TNFRSF19: variants seen among roughly 807,000 people sequenced by gnomAD.
TNFRSF19 encodes the protein TNF receptor superfamily member 19.
A neutral mutation model predicts 46.4 loss-of-function variants in TNFRSF19; 27 were observed. That is an observed-to-expected ratio of 0.58 (90% CI 0.43 to 0.80). The LOEUF (loss-of-function observed/expected upper bound fraction) is 0.80. Among genes scored for constraint, TNFRSF19 ranks in the 30% least tolerant of loss-of-function variants. The pLI is 0.00. For missense variants in TNFRSF19, 511 were observed against 530.8 expected, an observed-to-expected ratio of 0.96 and a Z score of 0.37; for synonymous variants, 204 against 205.0, an observed-to-expected ratio of 1.00 and a Z score of 0.04.
chr13:23,598,245 G>A (rs1463107490), intron 3 of TNFRSF19, among the ~76,000 whole-genome samples: 3 of 152,100 alleles, frequency 2.0e-5, no homozygotes, highest in Non-Finnish European at 2.9e-5. Flanking sequence ...TGGGGTGGGC[G>A]ACAAGGGGAG....
chr13:23,658,505 TG>T lies in TNFRSF19; in HGVS notation c.446-544del, dbSNP rs1278913687. On this transcript the variant is annotated intron_variant, in intron 5 of 9. Transcript: ENST00000248484. ...ATTAGTCTTTTCTCCAAAACTTAGA[TG>T]TTTTCCAGTAGTTTAACAGCTAAGG... is the stretch of plus-strand genomic sequence containing the variant. 4.6e-5 allele frequency among the ~76,000 whole-genome samples: 7 copies of T among 152,320 alleles called. No individual in the cohort carries two copies. In the East Asian group the frequency reaches 1.3e-3, roughly 29 times the overall value.
At chr13:23,603,777 AAAC>A (rs766555733) in intron 3 of TNFRSF19, among the ~76,000 whole-genome samples, 15 of 151,992 alleles carry the variant, frequency 9.9e-5, no homozygotes, top group Non-Finnish European at 1.9e-4. Context: ...ATTCATGATT[AAAC>A]AACAACAACA....
At chr13:23,626,187 C>CTGTGTGTGTGTGTGTGTGTG (rs35509472) in intron 4 of TNFRSF19, among the ~76,000 whole-genome samples, 129 of 145,562 alleles carry the variant, frequency 8.9e-4, no homozygotes, top group African/African-American at 3.3e-3. Flanking sequence ...TCTTTAAAAT[C>CTGTGTGTGTGTGTGTGTGTG]TGTGTGTGTG....
chr13:23,629,938 G>A (rs1000806655), intron 5 of TNFRSF19, among the ~76,000 whole-genome samples: 22 of 152,274 alleles, frequency 1.4e-4, no homozygotes, highest in African/African-American at 5.1e-4. Flanking sequence ...GTCTTCTGGG[G>A]CTTCACCTCC....
chr13:23,588,351 A>T (rs140345804), intron 1 of TNFRSF19, among the ~76,000 whole-genome samples: 3 of 152,328 alleles, frequency 2.0e-5, no homozygotes, highest in Non-Finnish European at 4.4e-5. Context: ...GTTAGTCCTC[A>T]CAATGCCCCT....
intron 7 of TNFRSF19, among the ~76,000 whole-genome samples, chr13:23,665,259 C>T (rs1004924155): frequency 1.1e-4 from 16 of 151,998 alleles, no homozygotes; most frequent in African/African-American, 3.9e-4. Context: ...GAGATGAACT[C>T]TAATTTTAAA....
chr13:23,614,328 C>A (rs970850812), intron 3 of TNFRSF19, among the ~76,000 whole-genome samples: 6 of 152,104 alleles, frequency 3.9e-5, no homozygotes, highest in Non-Finnish European at 7.3e-5. Flanking sequence ...CCTCCGAATC[C>A]TTTGTTGAGT....
chr13:23,582,452 C>T (rs1423708590), intron 1 of TNFRSF19, among the ~76,000 whole-genome samples: 2 of 152,024 alleles, frequency 1.3e-5, no homozygotes, highest in African/African-American at 2.4e-5. Flanking sequence ...TGAATTACCC[C>T]GATTTGATCA....
At chr13:23,658,951 A>C in intron 5 of TNFRSF19, 99 bp from the exon 6 acceptor site, 2 of 1,503,136 alleles carry the variant, frequency 1.3e-6, no homozygotes, top group Non-Finnish European at 1.8e-6. Flanking sequence ...GTTTTCTCAC[A>C]GCATGGGAAG....
chr13:23,589,547 GGAGCT>G, intron 1 of TNFRSF19, among the ~76,000 whole-genome samples: 1 of 152,326 alleles, frequency 6.6e-6, no homozygotes, highest in South Asian at 2.1e-4. Flanking sequence ...ATGTGACACA[GGAGCT>G]GTAGAAAGGG....
chr13:23,606,524 C>T (rs192833554), intron 3 of TNFRSF19, among the ~76,000 whole-genome samples: 48 of 152,196 alleles, frequency 3.2e-4, no homozygotes, highest in Non-Finnish European at 5.1e-4. Context: ...GTTCAGTCTT[C>T]TACCCTGTAT....
In TNFRSF19 at chr13:23,570,797, T is replaced by C. The variant is rs1877591695; in HGVS notation, c.-86T>C. On this transcript the variant is annotated 5_prime_UTR_variant, in exon 1 of 10. Transcript: ENST00000248484. Reference sequence around the variant, plus strand: ...GTGCTGACATACATTTTTGGGAAGGTAGAAGCATTTGGCACAGAAGTGCTG... The same window carrying C: ...GTGCTGACATACATTTTTGGGAAGGCAGAAGCATTTGGCACAGAAGTGCTG... 6.6e-6 allele frequency: 1 copy of C among 152,142 alleles called. No homozygotes were observed. The highest frequency in any genetic ancestry group is 6.6e-5 in the Admixed American group (1 of 15,266). 9.4% of individuals were successfully genotyped at this position (152,142 alleles called of 1,614,324 possible). A position where few individuals can be genotyped will look rare whatever the true frequency, so the allele number is the denominator to read the frequency against.
At chr13:23,608,045 A>C (rs748806184) in intron 3 of TNFRSF19, among the ~76,000 whole-genome samples, 3 of 152,114 alleles carry the variant, frequency 2.0e-5, no homozygotes, top group Non-Finnish European at 4.4e-5. Flanking sequence ...CTGGAATCGT[A>C]TTCCTGGATA....
At chr13:23,636,053 G>A (rs1357775751) in intron 5 of TNFRSF19, among the ~76,000 whole-genome samples, 1 of 152,242 alleles carries the variant, frequency 6.6e-6, no homozygotes, top group Non-Finnish European at 1.5e-5. Context: ...AGAGGGGTCC[G>A]TTAGTGAGAC....
At chr13:23,661,003 A>G (rs986750428) in intron 7 of TNFRSF19, among the ~76,000 whole-genome samples, 10 of 152,194 alleles carry the variant, frequency 6.6e-5, no homozygotes, top group Admixed American at 6.5e-5. Flanking sequence ...TCAAAGGGAA[A>G]CTGGTCTCTA....
chr13:23,673,456 G>A lies in TNFRSF19; in HGVS notation c.*76G>A, dbSNP rs987956818. On this transcript the variant is annotated 3_prime_UTR_variant, in exon 10 of 10. Transcript: ENST00000248484. ...CTCCTTTGTTAGGCTTATGGACTGA[G>A]CAGTCTGGACCTTGCATGGCTTCTG... 6.5e-7 allele frequency: 1 copy of A among 1,536,360 alleles called. No individual in the cohort carries two copies. The highest frequency in any genetic ancestry group is 1.4e-5 in the African/African-American group (1 of 72,348).
chr13:23,605,578 A>G (rs1566179229), intron 3 of TNFRSF19, among the ~76,000 whole-genome samples: 1 of 152,170 alleles, frequency 6.6e-6, no homozygotes, highest in Non-Finnish European at 1.5e-5. Flanking sequence ...TACTTTAGTA[A>G]GGGGTGGGTA....
At chr13:23,582,110 G>T (rs897002474) in intron 1 of TNFRSF19, among the ~76,000 whole-genome samples, 1 of 152,020 alleles carries the variant, frequency 6.6e-6, no homozygotes, top group Admixed American at 6.6e-5. Context: ...GCCGGGCACG[G>T]TGGCTCACGC....
chr13:23,572,865 A>G (rs1010664640), intron 1 of TNFRSF19, among the ~76,000 whole-genome samples: 1 of 152,216 alleles, frequency 6.6e-6, no homozygotes, highest in Non-Finnish European at 1.5e-5. Context: ...GACATTTTTC[A>G]AAGCACTTTC....
Sources: allele counts gnomAD v4.1 joint callset (sites outside exome capture counted in the v4.1 genomes callset), GRCh38; gene constraint gnomAD v4.1.1; transcripts MANE v1.5; gene names NCBI Gene and HGNC (gene_info 2026-07-23, HGNC 2026-07-21).